TNKS: variants seen among roughly 807,000 people sequenced by gnomAD.
TNKS encodes the protein tankyrase.
TNKS carries 72 observed loss-of-function variants against 135.8 expected under a neutral mutation model. The ratio of observed to expected loss-of-function variants is 0.53; its 90% CI spans 0.44 to 0.64. TNKS has a LOEUF of 0.64. Among genes scored for constraint, TNKS ranks in the 30% least tolerant of loss-of-function variants. The probability of loss-of-function intolerance (pLI) is 0.00; values close to 1 mark genes in which losing one functional copy is unlikely to be tolerated. For synonymous variants in TNKS, 849 were observed against 649.3 expected, an observed-to-expected ratio of 1.31 and a Z score of -4.68; for missense variants, 1,769 against 1,674.0, an observed-to-expected ratio of 1.06 and a Z score of -0.99.
intron 11 of TNKS, among the ~76,000 whole-genome samples, chr8:9,712,473 C>G (rs1804387773): frequency 2.0e-5 from 3 of 152,134 alleles, no homozygotes. Context: ...GAGCAAGACT[C>G]TGTCTCTAAA....
At chr8:9,723,336 TAA>T (rs1256805850) in intron 12 of TNKS, among the ~76,000 whole-genome samples, 1 of 152,148 alleles carries the variant, frequency 6.6e-6, no homozygotes, top group Non-Finnish European at 1.5e-5. Flanking sequence ...AAGAATATAT[TAA>T]TATCAGTCAA....
At chr8:9,767,175 A>G (rs922184617) in intron 25 of TNKS, among the ~76,000 whole-genome samples, 1 of 152,248 alleles carries the variant, frequency 6.6e-6, no homozygotes, top group Non-Finnish European at 1.5e-5. Flanking sequence ...GGCAGGATAT[A>G]TAATTAGCCT....
intron 2 of TNKS, among the ~76,000 whole-genome samples, chr8:9,599,268 C>G (rs977569366): frequency 5.3e-5 from 8 of 152,138 alleles, no homozygotes; most frequent in African/African-American, 1.9e-4. Flanking sequence ...CACTGTATAT[C>G]TATTTTTGAA....
chr8:9,560,700 C>A (rs1055354031), intron 1 of TNKS, among the ~76,000 whole-genome samples: 5 of 151,514 alleles, frequency 3.3e-5, no homozygotes, highest in African/African-American at 1.2e-4. Context: ...TAAGCAAATG[C>A]CCTGTCTGAG....
At chr8:9,631,779 A>G (rs1231913283) in intron 3 of TNKS, among the ~76,000 whole-genome samples, 2 of 151,094 alleles carry the variant, frequency 1.3e-5, no homozygotes, top group Non-Finnish European at 2.9e-5. Context: ...TTTTTTTTCA[A>G]GAAAAAGTGT....
chr8:9,704,631 T>C, intron 5 of TNKS, 32 bp from the exon 6 acceptor site: 1 of 1,559,758 alleles, frequency 6.4e-7, no homozygotes, highest in South Asian at 1.1e-5. Flanking sequence ...TTGTTTGTTT[T>C]TACCTGAAAA....
At chr8:9,672,388 TA>T (rs1174643556) in intron 3 of TNKS, among the ~76,000 whole-genome samples, 1 of 152,012 alleles carries the variant, frequency 6.6e-6, no homozygotes, top group Non-Finnish European at 1.5e-5. Context: ...CTGTACTATG[TA>T]ACAGTGATAT....
At chr8:9,653,029 C>T (rs940258676) in intron 3 of TNKS, among the ~76,000 whole-genome samples, 5 of 152,120 alleles carry the variant, frequency 3.3e-5, no homozygotes, top group African/African-American at 7.2e-5. Flanking sequence ...CCTCCAAAGA[C>T]GTTGCTAGAG....
At chr8:9,592,759 A>G (rs1265131300) in intron 2 of TNKS, among the ~76,000 whole-genome samples, 2 of 152,068 alleles carry the variant, frequency 1.3e-5, no homozygotes, top group Non-Finnish European at 2.9e-5. Flanking sequence ...TTTTTTTTAT[A>G]TTACTCTGTG....
At chr8:9,615,827 C>T (rs922286988) in intron 3 of TNKS, 150 bp downstream of exon 3, 1 of 613,200 alleles carries the variant, frequency 1.6e-6, no homozygotes, top group Non-Finnish European at 2.8e-6. Flanking sequence ...GATTTGATAT[C>T]TGTCTCATTA....
intron 2 of TNKS, among the ~76,000 whole-genome samples, chr8:9,593,961 A>G (rs1314641454): frequency 6.6e-6 from 1 of 152,020 alleles, no homozygotes; most frequent in Non-Finnish European, 1.5e-5. Context: ...ATCTCAGCTC[A>G]CTGGAACCTT....
At chr8:9,674,489 A>G (rs1291031293) in intron 3 of TNKS, among the ~76,000 whole-genome samples, 3 of 152,182 alleles carry the variant, frequency 2.0e-5, no homozygotes, top group Non-Finnish European at 4.4e-5. Flanking sequence ...GTAACTTCTT[A>G]TATGCTCATT....
chr8:9,769,574 C>T (rs1038698296), intron 25 of TNKS, among the ~76,000 whole-genome samples: 6 of 150,894 alleles, frequency 4.0e-5, no homozygotes, highest in Admixed American at 6.6e-5. Flanking sequence ...TGGTTTTTTC[C>T]CTTTTTCCAC....
At chr8:9,638,204 G>A (rs1800585581) in intron 3 of TNKS, among the ~76,000 whole-genome samples, 1 of 152,166 alleles carries the variant, frequency 6.6e-6, no homozygotes, top group Non-Finnish European at 1.5e-5. Context: ...CAAACTCCTG[G>A]CTTTAAGAGA....
chr8:9,599,135 A>G (rs1798919290), intron 2 of TNKS, among the ~76,000 whole-genome samples: 1 of 152,048 alleles, frequency 6.6e-6, no homozygotes, highest in Non-Finnish European at 1.5e-5. Context: ...AGTTTAGAAA[A>G]AGTAATCTAC....
intron 11 of TNKS, among the ~76,000 whole-genome samples, chr8:9,719,933 T>C (rs1218155354): frequency 6.6e-6 from 1 of 152,202 alleles, no homozygotes; most frequent in African/African-American, 2.4e-5. Context: ...AGAAAAGAAA[T>C]ATAATCAACT....
Position 9,752,530 on chromosome 8 carries a change from T to C in TNKS, c.3071-14T>C, listed in dbSNP as rs746329943. ...GAATTCTTTCTGAGAATCTTTAATA[T>C]GTTTCTGTTTTAGTTGCTGGTCTTG... On this transcript the variant is annotated splice_polypyrimidine_tract_variant and intron_variant, in intron 19 of 26. Transcript: ENST00000310430. The C allele has an allele frequency of 2.6e-5, 42 of 1,596,054 alleles. No homozygotes were observed. Among genetic ancestry groups the C allele is most frequent in the Non-Finnish European group, 3.4e-5 (40 of 1,167,042 alleles).
chr8:9,748,350 C>A (rs767329234), intron 18 of TNKS, 138 bp downstream of exon 18: 12 of 667,990 alleles, frequency 1.8e-5, no homozygotes, highest in Non-Finnish European at 2.6e-5. Context: ...TTGAAGTTCA[C>A]ACTTTTTCTA....
At chr8:9,594,638 T>C (rs1274432684) in intron 2 of TNKS, among the ~76,000 whole-genome samples, 3 of 152,204 alleles carry the variant, frequency 2.0e-5, no homozygotes, top group African/African-American at 7.2e-5. Context: ...TTATTGTCAG[T>C]GAATATTTTT....
Sources: gnomAD v4.1 joint callset for allele counts (sites outside exome capture counted in the v4.1 genomes callset) on GRCh38, gnomAD v4.1.1 for gene constraint, MANE v1.5 for transcripts, NCBI Gene and HGNC (gene_info 2026-07-23, HGNC 2026-07-21) for gene names.